The following AUH variants were observed in gnomAD, a reference collection of about 807,000 sequenced individuals.
The protein encoded by AUH is AU RNA binding methylglutaconyl-CoA hydratase.
A neutral mutation model predicts 42.3 loss-of-function variants in AUH; 29 were observed. The ratio of observed to expected loss-of-function variants is 0.69; its 90% CI spans 0.51 to 0.93. AUH has a LOEUF of 0.93. AUH is among the 40% of genes least tolerant of loss of function. AUH has a pLI of 0.00. For missense variants in AUH, 452 were observed against 438.1 expected (o/e 1.03, Z -0.28); for synonymous variants, 174 against 166.4 (o/e 1.05, Z -0.35).
intron 6 of AUH, among the ~76,000 whole-genome samples, chr9:91,267,414 A>G (rs1175083517): frequency 6.6e-6 from 1 of 152,010 alleles, no homozygotes; most frequent in African/African-American, 2.4e-5. Context: ...CATGTTTTTC[A>G]TTTTCACCAT....
chr9:91,230,633 A>T (rs374653196), intron 6 of AUH, among the ~76,000 whole-genome samples: 1 of 152,032 alleles, frequency 6.6e-6, no homozygotes, highest in Admixed American at 6.5e-5. Flanking sequence ...AGGCACTCTG[A>T]TTTTTAGAGT....
At chr9:91,288,092 T>C (rs1307075160) in intron 6 of AUH, among the ~76,000 whole-genome samples, 1 of 151,900 alleles carries the variant, frequency 6.6e-6, no homozygotes, top group African/African-American at 2.4e-5. Context: ...GCAGTGGAAA[T>C]ACAAAGCATC....
intron 9 of AUH, among the ~76,000 whole-genome samples, chr9:91,215,495 G>A (rs983239754): frequency 7.2e-5 from 11 of 152,084 alleles, no homozygotes; most frequent in African/African-American, 2.7e-4. Flanking sequence ...AAGGAAAAAA[G>A]TCAGTACATG....
At chr9:91,310,444 C>T (rs747166692) in intron 4 of AUH, among the ~76,000 whole-genome samples, 132 of 152,200 alleles carry the variant, frequency 8.7e-4, no homozygotes, top group Non-Finnish European at 1.4e-3. Flanking sequence ...GTGCTCATTA[C>T]TAGACACTAG....
intron 4 of AUH, among the ~76,000 whole-genome samples, chr9:91,316,585 G>A (rs1829175062): frequency 6.6e-6 from 1 of 152,218 alleles, no homozygotes; most frequent in African/African-American, 2.4e-5. Flanking sequence ...TCTGGTGGAT[G>A]TAAAATGGCA....
intron 6 of AUH, among the ~76,000 whole-genome samples, chr9:91,280,745 C>T (rs777399302): frequency 6.6e-5 from 10 of 152,222 alleles, no homozygotes; most frequent in Admixed American, 2.0e-4. Flanking sequence ...GTGGGCTAGG[C>T]CCCTTGGTCT....
chr9:91,342,350 T>C (rs1831168959), intron 3 of AUH, among the ~76,000 whole-genome samples: 2 of 152,260 alleles, frequency 1.3e-5, no homozygotes, highest in South Asian at 2.1e-4. Flanking sequence ...AGTGGATACA[T>C]CAGGAAAATC....
chr9:91,220,666 A>T, intron 7 of AUH, 139 bp downstream of exon 7: 1 of 795,598 alleles, frequency 1.3e-6, no homozygotes, highest in South Asian at 1.7e-5. Flanking sequence ...TAACTGCTCT[A>T]GTTTTACAGA....
intron 3 of AUH, among the ~76,000 whole-genome samples, chr9:91,341,261 G>A (rs1410309775): frequency 6.6e-6 from 1 of 152,132 alleles, no homozygotes; most frequent in African/African-American, 2.4e-5. Context: ...AGGGGACTGA[G>A]AGAACCACCT....
chr9:91,294,096 A>T (rs1433533563), intron 6 of AUH, among the ~76,000 whole-genome samples: 1 of 152,250 alleles, frequency 6.6e-6, no homozygotes, highest in Non-Finnish European at 1.5e-5. Context: ...GCTCAAAAAA[A>T]AGAGTTCTTT....
chr9:91,250,267 T>A (rs1404526447), intron 6 of AUH, among the ~76,000 whole-genome samples: 1 of 152,088 alleles, frequency 6.6e-6, no homozygotes, highest in African/African-American at 2.4e-5. Context: ...CCATCCCAGC[T>A]TGCCATGGTG....
At chr9:91,226,122 C>T (rs1235159844) in intron 6 of AUH, among the ~76,000 whole-genome samples, 1 of 149,506 alleles carries the variant, frequency 6.7e-6, no homozygotes, top group Non-Finnish European at 1.5e-5. Flanking sequence ...TGAGGAATCA[C>T]CACACTGACT....
intron 7 of AUH, 40 bp from the exon 8 acceptor site, chr9:91,217,367 T>TA (rs758834249): frequency 7.0e-6 from 11 of 1,577,754 alleles, no homozygotes; most frequent in Admixed American, 1.7e-5. Flanking sequence ...AATTATTTTT[T>TA]ATGCAAATTA....
intron 6 of AUH, among the ~76,000 whole-genome samples, chr9:91,238,222 G>T (rs1365233949): frequency 6.6e-6 from 1 of 152,166 alleles, no homozygotes; most frequent in African/African-American, 2.4e-5. Flanking sequence ...TTTCTCATTT[G>T]TCATTCTCAG....
chr9:91,290,719 A>C (rs1229348508), intron 6 of AUH, among the ~76,000 whole-genome samples: 1 of 152,132 alleles, frequency 6.6e-6, no homozygotes, highest in East Asian at 1.9e-4. Flanking sequence ...TTATAGCATA[A>C]TCTATCTTTT....
At chr9:91,357,801 G>A (rs554887462) in intron 1 of AUH, among the ~76,000 whole-genome samples, 1 of 152,332 alleles carries the variant, frequency 6.6e-6, no homozygotes, top group East Asian at 1.9e-4. Flanking sequence ...TGAATGTCCT[G>A]TAACCTACGA....
intron 4 of AUH, among the ~76,000 whole-genome samples, chr9:91,302,905 A>G (rs1295061999): frequency 6.6e-6 from 1 of 152,262 alleles, no homozygotes; most frequent in Non-Finnish European, 1.5e-5. Flanking sequence ...TAAATGAAAC[A>G]GGAACTGCGA....
chr9:91,289,820 G>A (rs1319704580), intron 6 of AUH, among the ~76,000 whole-genome samples: 1 of 152,116 alleles, frequency 6.6e-6, no homozygotes, highest in African/African-American at 2.4e-5. Flanking sequence ...AAAAATTTCA[G>A]AATAGCTCCT....
intron 4 of AUH, among the ~76,000 whole-genome samples, chr9:91,308,390 T>C (rs1332181763): frequency 6.6e-6 from 1 of 152,086 alleles, no homozygotes; most frequent in Non-Finnish European, 1.5e-5. Flanking sequence ...TACTGAACTA[T>C]GATTCAAAAG....
Sources: allele counts gnomAD v4.1 joint callset (sites outside exome capture counted in the v4.1 genomes callset), GRCh38; gene constraint gnomAD v4.1.1; transcripts MANE v1.5; gene names NCBI Gene and HGNC (gene_info 2026-07-23, HGNC 2026-07-21).